The following SCP2 variants were observed in gnomAD, a reference collection of about 807,000 sequenced individuals.
SCP2 encodes the protein sterol carrier protein 2.
Under a neutral mutation model 71.4 loss-of-function variants are expected in SCP2, and 48 were observed. That is an observed-to-expected ratio of 0.67 (90% CI 0.53 to 0.86). The LOEUF (loss-of-function observed/expected upper bound fraction) is 0.86, where lower values mean the gene tolerates loss of function less well. Among genes scored for constraint, SCP2 ranks in the 40% least tolerant of loss-of-function variants. The pLI, the probability that SCP2 is intolerant of heterozygous loss-of-function variation, is 0.00. For synonymous variants in SCP2, 220 were observed against 218.1 expected (o/e 1.01, Z -0.08); for missense variants, 560 against 655.6 (o/e 0.85, Z 1.59).
At chr1:53,047,967 G>A (rs374337749) in intron 15 of SCP2, 30 bp downstream of exon 15, 3 of 1,478,458 alleles carry the variant, frequency 2.0e-6, no homozygotes, top group East Asian at 2.3e-5. Flanking sequence ...TATCCTGCTA[G>A]TAGGTAGGTC....
rs147167752 is a variant in SCP2 at position 52,945,744 on chromosome 1, A to AATATATATATATATATATAT, written c.128-2249_128-2248insATATATATATATATATATAT. ...GGAAAAGAATGTTTAAGTTGTGCAT[A>AATATATATATATATATATAT]ATATATATATATATATGCCATTATT... On this transcript the variant is annotated intron_variant, in intron 2 of 15. Coordinates refer to ENST00000371514, the MANE Select transcript of SCP2 (RefSeq NM_002979.5). Among the ~76,000 whole-genome samples the AATATATATATATATATATAT allele has an allele frequency of 2.4e-3, 343 of 145,708 alleles. 5 individuals carry two copies. The highest frequency in any genetic ancestry group is 8.4e-3 in the African/African-American group (321 of 38,262).
chr1:53,046,548 CT>C (rs911789766), intron 14 of SCP2, among the ~76,000 whole-genome samples: 2 of 151,736 alleles, frequency 1.3e-5, no homozygotes, highest in East Asian at 3.9e-4. Flanking sequence ...AGTAGGAGTT[CT>C]TTTTTTTATC....
chr1:52,968,483 A>G (rs898134610), intron 6 of SCP2, among the ~76,000 whole-genome samples: 1 of 152,170 alleles, frequency 6.6e-6, no homozygotes, highest in Non-Finnish European at 1.5e-5. Flanking sequence ...TCTTGTTAAT[A>G]TAACAGCTTT....
intron 6 of SCP2, among the ~76,000 whole-genome samples, chr1:52,968,616 C>A (rs1657185749): frequency 6.6e-6 from 1 of 152,078 alleles, no homozygotes; most frequent in Non-Finnish European, 1.5e-5. Flanking sequence ...TTTCATTAAC[C>A]AAAAATGAAA....
chr1:52,966,333 C>T (rs914686935), intron 6 of SCP2, among the ~76,000 whole-genome samples: 1 of 151,524 alleles, frequency 6.6e-6, no homozygotes, highest in Non-Finnish European at 1.5e-5. Context: ...AATTTTGTAG[C>T]TTTTCCAGTA....
At chr1:53,048,465 A>C (rs1431686201) in intron 15 of SCP2, 1 of 186,764 alleles carries the variant, frequency 5.4e-6, no homozygotes, top group Non-Finnish European at 1.2e-5. Flanking sequence ...TATTATCTCC[A>C]AGGACCTCTT....
At chr1:52,974,469 C>T (rs1657771903) in intron 6 of SCP2, among the ~76,000 whole-genome samples, 1 of 152,160 alleles carries the variant, frequency 6.6e-6, no homozygotes. Context: ...GTTCTCCTGC[C>T]TTAAAACCAC....
chr1:52,950,766 TGTGG>T lies in SCP2; in HGVS notation c.213_216del (p.Gly72ArgfsTer10). On this transcript the variant is annotated frameshift_variant, in exon 4 of 16. Coordinates refer to ENST00000371514, the MANE Select transcript of SCP2 (RefSeq NM_002979.5). LOFTEE classifies it high-confidence loss of function. The stretch of plus-strand genomic sequence containing the variant: ...GTTTTTCTATTCAGGTGACTCTACC[TGTGG>T]GCAGAGGGCTATCTATCACAGTTTG... 1 of 1,613,592 alleles carries T rather than the reference TGTGG, an allele frequency of 6.2e-7. No homozygotes were observed. The highest frequency in any genetic ancestry group is 8.5e-7 in the Non-Finnish European group (1 of 1,179,532).
intron 5 of SCP2, among the ~76,000 whole-genome samples, chr1:52,956,610 A>G (rs1655815754): frequency 6.6e-6 from 1 of 152,166 alleles, no homozygotes; most frequent in African/African-American, 2.4e-5. Flanking sequence ...GATGTCAGGG[A>G]AAGCATCATG....
chr1:52,982,557 G>A (rs559286501), intron 10 of SCP2, among the ~76,000 whole-genome samples: 9 of 151,998 alleles, frequency 5.9e-5, no homozygotes, highest in South Asian at 2.1e-4. Flanking sequence ...GTGACAGAGC[G>A]AGACTCCATC....
At chr1:53,049,436 A>C (rs777789219) in intron 15 of SCP2, 1 of 152,212 alleles carries the variant, frequency 6.6e-6, no homozygotes, top group Non-Finnish European at 1.5e-5. Flanking sequence ...ATGCAGTGGA[A>C]ATTCTAATTT....
At chr1:52,993,404 T>C in intron 11 of SCP2, 1 of 1,614,220 alleles carries the variant, frequency 6.2e-7, no homozygotes, top group Non-Finnish European at 8.5e-7. Flanking sequence ...CTGTGTTACC[T>C]GTCTTTGATG....
At chr1:52,938,813 C>A (rs1467980338) in intron 1 of SCP2, among the ~76,000 whole-genome samples, 2 of 152,142 alleles carry the variant, frequency 1.3e-5, no homozygotes, top group African/African-American at 4.8e-5. Flanking sequence ...CACCCAGAGA[C>A]CATAATTTAC....
chr1:53,019,680 G>A (rs574333587), intron 12 of SCP2, among the ~76,000 whole-genome samples: 118 of 152,254 alleles, frequency 7.8e-4, no homozygotes, highest in African/African-American at 2.7e-3. Flanking sequence ...TTCAGCAAGC[G>A]CAGTAGCACA....
At chr1:52,954,994 AGT>A (rs1458010486) in intron 5 of SCP2, among the ~76,000 whole-genome samples, 190 bp downstream of exon 5, 1 of 152,200 alleles carries the variant, frequency 6.6e-6, no homozygotes, top group African/African-American at 2.4e-5. Context: ...TGGAATTTGA[AGT>A]TGACTTATCT....
In SCP2 at chr1:52,964,638, T is replaced by C. The variant is rs1656786641; in HGVS notation, c.523+3009T>C. ...ATAGTACAAGAATTCCTAATACTTT[T>C]CCTCTAGATTTTCTAAAAATTAACA... On this transcript the variant is annotated intron_variant, in intron 6 of 15. Coordinates refer to ENST00000371514, the MANE Select transcript of SCP2 (RefSeq NM_002979.5). 2.0e-5 allele frequency among the ~76,000 whole-genome samples: 3 copies of C among 152,334 alleles called. No individual in the cohort carries two copies. The South Asian group carries it at 6.2e-4, about 32-fold the overall frequency.
At chr1:53,049,549 C>A (rs1664067019) in intron 15 of SCP2, 1 of 152,182 alleles carries the variant, frequency 6.6e-6, no homozygotes, top group Admixed American at 6.5e-5. Context: ...TTCATGTTTT[C>A]TCTATTGTTA....
At chr1:53,042,828 T>C (rs1454039045) in intron 14 of SCP2, among the ~76,000 whole-genome samples, 1 of 152,224 alleles carries the variant, frequency 6.6e-6, no homozygotes, top group Non-Finnish European at 1.5e-5. Flanking sequence ...TAATGATTAC[T>C]GAGATGATTA....
At chr1:52,937,874 C>T (rs1008135848) in intron 1 of SCP2, among the ~76,000 whole-genome samples, 3 of 152,140 alleles carry the variant, frequency 2.0e-5, no homozygotes, top group South Asian at 2.1e-4. Context: ...GCAGGGCTGT[C>T]GCATAGGCAG....
Sources: gnomAD v4.1 joint callset for allele counts (sites outside exome capture counted in the v4.1 genomes callset) on GRCh38, gnomAD v4.1.1 for gene constraint, MANE v1.5 for transcripts, NCBI Gene and HGNC (gene_info 2026-07-23, HGNC 2026-07-21) for gene names.